Variants in WWOX observed in about 807,000 individuals in gnomAD.
WWOX encodes the protein WW domain-containing oxidoreductase.
Under a neutral mutation model 46.2 loss-of-function variants are expected in WWOX, and 69 were observed. The ratio of observed to expected loss-of-function variants is 1.49; its 90% CI spans 1.23 to 1.82. WWOX has a LOEUF of 1.82. Ranked by LOEUF, WWOX falls within the 40% of genes most tolerant of loss-of-function variation. The pLI, the probability that WWOX is intolerant of heterozygous loss-of-function variation, is 0.00. For synonymous variants in WWOX, 359 were observed against 202.6 expected, an observed-to-expected ratio of 1.77 and a Z score of -6.56; for missense variants, 919 against 542.6, an observed-to-expected ratio of 1.69 and a Z score of -6.89.
At chr16:78,596,880 A>C (rs986374962) in intron 8 of WWOX, among the ~76,000 whole-genome samples, 4 of 152,152 alleles carry the variant, frequency 2.6e-5, no homozygotes, top group African/African-American at 9.7e-5. Flanking sequence ...TCACACACAC[A>C]CAATCAGCCA....
chr16:78,899,683 C>A (rs567127477), intron 8 of WWOX: 2 of 152,168 alleles, frequency 1.3e-5, no homozygotes, highest in African/African-American at 4.8e-5. Flanking sequence ...TACAGATACC[C>A]AGAACGGCTC....
At position 78,751,363 on chromosome 16, in the gene WWOX, G is replaced by A. The variant is rs141137114; in HGVS notation, c.1056+318611G>A. ...TTTCAACCAAAAAAAAGAAACAGAG[G>A]TGTATAGTAACACACCTCTGTCCTG... On this transcript the variant is annotated intron_variant, in intron 8 of 8. Coordinates refer to ENST00000566780, the MANE Select transcript of WWOX (RefSeq NM_016373.4). Among the ~76,000 whole-genome samples the A allele has an allele frequency of 1.9e-3, 282 of 148,882 alleles. 1 individual carries two copies. The highest frequency in any genetic ancestry group is 6.4e-3 in the African/African-American group (259 of 40,750).
At chr16:78,982,072 G>C (rs2046693400) in intron 8 of WWOX, among the ~76,000 whole-genome samples, 1 of 151,874 alleles carries the variant, frequency 6.6e-6, no homozygotes, top group Non-Finnish European at 1.5e-5. Flanking sequence ...GTAGGATTTG[G>C]CCCATCTGAG....
At chr16:78,636,058 G>A (rs1293295831) in intron 8 of WWOX, among the ~76,000 whole-genome samples, 1 of 152,170 alleles carries the variant, frequency 6.6e-6, no homozygotes, top group African/African-American at 2.4e-5. Context: ...CACTGCCTGT[G>A]TTTTCCTAGG....
At chr16:78,455,884 A>G (rs986647582) in intron 8 of WWOX, among the ~76,000 whole-genome samples, 1 of 151,722 alleles carries the variant, frequency 6.6e-6, no homozygotes, top group African/African-American at 2.4e-5. Context: ...ACTAACTTTT[A>G]TTTTTACATT....
chr16:79,153,962 G>C (rs868130015), intron 8 of WWOX, among the ~76,000 whole-genome samples: 1 of 152,114 alleles, frequency 6.6e-6, no homozygotes, highest in Non-Finnish European at 1.5e-5. Flanking sequence ...CCTGCCTCCC[G>C]TGATGCTAGC....
intron 8 of WWOX, among the ~76,000 whole-genome samples, chr16:78,905,448 C>T (rs1042577785): frequency 6.6e-6 from 1 of 152,228 alleles, no homozygotes; most frequent in African/African-American, 2.4e-5. Flanking sequence ...GTGGCCCAAT[C>T]ATGGCTTACT....
At chr16:78,197,663 G>A (rs1297761964) in intron 5 of WWOX, among the ~76,000 whole-genome samples, 1 of 152,048 alleles carries the variant, frequency 6.6e-6, no homozygotes, top group African/African-American at 2.4e-5. Flanking sequence ...AATACTTCAC[G>A]TCTTTATTGC....
intron 8 of WWOX, among the ~76,000 whole-genome samples, chr16:78,495,289 C>T (rs1326036986): frequency 1.1e-4 from 17 of 151,566 alleles, no homozygotes; most frequent in South Asian, 2.1e-4. Context: ...TACAGGCGCC[C>T]GCCACCACAC....
chr16:78,786,483 T>A (rs543080809), intron 8 of WWOX, among the ~76,000 whole-genome samples: 1 of 152,342 alleles, frequency 6.6e-6, no homozygotes, highest in African/African-American at 2.4e-5. Flanking sequence ...TTTTGAGTAC[T>A]TAGTACTTTT....
At chr16:78,811,087 C>T (rs188744120) in intron 8 of WWOX, among the ~76,000 whole-genome samples, 1 of 152,158 alleles carries the variant, frequency 6.6e-6, no homozygotes, top group Non-Finnish European at 1.5e-5. Flanking sequence ...GACAACTCCT[C>T]TTCTCGTCTG....
At chr16:78,370,960 C>G (rs2081665930) in intron 5 of WWOX, among the ~76,000 whole-genome samples, 1 of 145,488 alleles carries the variant, frequency 6.9e-6, no homozygotes, top group South Asian at 2.1e-4. Flanking sequence ...TCAGGTTGCT[C>G]TGAGACTGTG....
At chr16:78,393,521 T>C (rs748757997) in intron 6 of WWOX, among the ~76,000 whole-genome samples, 1 of 152,132 alleles carries the variant, frequency 6.6e-6, no homozygotes, top group Non-Finnish European at 1.5e-5. Flanking sequence ...AAAAAACGGT[T>C]TGTAGGTCCT....
At chr16:78,195,848 A>G (rs1281749014) in intron 5 of WWOX, among the ~76,000 whole-genome samples, 1 of 151,890 alleles carries the variant, frequency 6.6e-6, no homozygotes, top group African/African-American at 2.4e-5. Flanking sequence ...AAAGAAAAAA[A>G]AAAGATTGAA....
chr16:78,302,969 G>C (rs146101137), intron 5 of WWOX, among the ~76,000 whole-genome samples: 1 of 152,272 alleles, frequency 6.6e-6, no homozygotes, highest in African/African-American at 2.4e-5. Context: ...AACATCATCA[G>C]ACCCAGAGCC....
rs546903491 is a variant in WWOX, at chr16:78,147,587, T to C, written c.410-16596T>C. Among the ~76,000 whole-genome samples, 242 of 152,150 alleles carry C rather than the reference T, an allele frequency of 1.6e-3. 1 individual carries two copies. Among genetic ancestry groups the C allele is most frequent in the Non-Finnish European group, 2.7e-3 (182 of 68,008 alleles). The stretch of plus-strand genomic sequence containing the variant: ...GACTTTGGTAGCATAAAGACTTTAG[T>C]CTTTTCAAGAGGCAAAGTAATATAC... On this transcript the variant is annotated intron_variant, in intron 4 of 8. Transcript: ENST00000566780.
At chr16:78,359,493 G>A (rs77207261) in intron 5 of WWOX, among the ~76,000 whole-genome samples, 4,265 of 152,174 alleles carry the variant, frequency 0.028, 198 homozygotes, top group African/African-American at 0.096. Flanking sequence ...TTAAGAAATC[G>A]TTGAAACACC....
chr16:78,827,790 G>A (rs1434316093), intron 8 of WWOX, among the ~76,000 whole-genome samples: 7 of 152,166 alleles, frequency 4.6e-5, no homozygotes, highest in Admixed American at 6.5e-5. Flanking sequence ...GCAGTGAGCC[G>A]AGATGGCGCC....
intron 8 of WWOX, among the ~76,000 whole-genome samples, chr16:79,083,153 C>T (rs138878924): frequency 1.1e-3 from 162 of 152,244 alleles, no homozygotes; most frequent in African/African-American, 2.8e-3. Flanking sequence ...GTCATTATGG[C>T]GAGTCCCTAA....
Sources: gnomAD v4.1 joint callset for allele counts (sites outside exome capture counted in the v4.1 genomes callset) on GRCh38, gnomAD v4.1.1 for gene constraint, MANE v1.5 for transcripts, NCBI Gene and HGNC (gene_info 2026-07-23, HGNC 2026-07-21) for gene names.